OR7E24: variants seen among roughly 807,000 people sequenced by gnomAD.
OR7E24 encodes olfactory receptor 7E24.
For synonymous variants in OR7E24, 130 were observed against 157.5 expected, an observed-to-expected ratio of 0.83 and a Z score of 1.31; for missense variants, 385 against 410.3, an observed-to-expected ratio of 0.94 and a Z score of 0.53.
the OR7E24 span, chr19:9,214,582 G>A: frequency 1.9e-6 from 3 of 1,614,012 alleles, no homozygotes; most frequent in Non-Finnish European, 2.5e-6. Flanking sequence ...CTCCGTGCCT[G>A]GATGCTCACT....
chr19:9,206,641 T>C, the OR7E24 span: 6 of 152,280 alleles, frequency 3.9e-5, no homozygotes, highest in Non-Finnish European at 7.4e-5. Context: ...TCAAAGTCCA[T>C]TAGTTATATT....
the OR7E24 span, among the ~76,000 whole-genome samples, chr19:9,242,241 CTTTTTG>C: frequency 4.6e-5 from 7 of 151,990 alleles, no homozygotes; most frequent in African/African-American, 9.7e-5. Context: ...ACATTTCTTT[CTTTTTG>C]TTTTTGTTTT....
At chr19:9,229,243 T>C in the OR7E24 span, among the ~76,000 whole-genome samples, 1 of 152,138 alleles carries the variant, frequency 6.6e-6, no homozygotes, top group East Asian at 1.9e-4. Flanking sequence ...GAAATTAAAC[T>C]TTCCTGCCAG....
At chr19:9,249,619 A>T (rs1401217626), upstream of OR7E24, among the ~76,000 whole-genome samples, 1 of 152,204 alleles carries the variant, frequency 6.6e-6, no homozygotes, top group African/African-American at 2.4e-5. Flanking sequence ...TTAGAGTTTC[A>T]CATGATTCCA....
the OR7E24 span, chr19:9,214,146 G>C: frequency 1.9e-6 from 3 of 1,614,110 alleles, no homozygotes; most frequent in African/African-American, 4.0e-5. Context: ...CTTGCCCTTG[G>C]TGGAGGACAT....
At chr19:9,236,757 C>T in the OR7E24 span, among the ~76,000 whole-genome samples, 2 of 152,156 alleles carry the variant, frequency 1.3e-5, no homozygotes, top group African/African-American at 4.8e-5. Flanking sequence ...CTCTTCATGT[C>T]AAATGCTGAC....
the OR7E24 span, among the ~76,000 whole-genome samples, chr19:9,236,763 C>T: frequency 6.6e-6 from 1 of 152,084 alleles, no homozygotes; most frequent in Admixed American, 6.6e-5. Flanking sequence ...ATGTCAAATG[C>T]TGACACGCGT....
upstream of OR7E24, among the ~76,000 whole-genome samples, chr19:9,249,861 A>G (rs926220206): frequency 2.0e-5 from 3 of 152,126 alleles, no homozygotes; most frequent in African/African-American, 7.2e-5. Context: ...AAGCTGAGGC[A>G]TAAGAATCGC....
the OR7E24 span, among the ~76,000 whole-genome samples, chr19:9,226,261 T>C: frequency 1.3e-5 from 2 of 152,218 alleles, no homozygotes; most frequent in African/African-American, 4.8e-5. Context: ...AGGCCATTTT[T>C]ATACTTTCTG....
the OR7E24 span, among the ~76,000 whole-genome samples, chr19:9,220,036 A>AT: frequency 6.6e-6 from 1 of 151,702 alleles, no homozygotes; most frequent in African/African-American, 2.4e-5. Context: ...CTTTTTAAAT[A>AT]TTTTTTCAAA....
chr19:9,212,167 A>G, the OR7E24 span: 1 of 152,250 alleles, frequency 6.6e-6, no homozygotes, highest in East Asian at 1.9e-4. Context: ...TGAGGTATTC[A>G]TCCCTCAACT....
At chr19:9,220,365 A>T in the OR7E24 span, among the ~76,000 whole-genome samples, 1 of 151,910 alleles carries the variant, frequency 6.6e-6, no homozygotes, top group East Asian at 1.9e-4. Context: ...ACCCCAAACC[A>T]CTCTGGGTCT....
chr19:9,237,927 C>T, the OR7E24 span, among the ~76,000 whole-genome samples: 32 of 152,032 alleles, frequency 2.1e-4, no homozygotes, highest in Non-Finnish European at 4.4e-4. Flanking sequence ...TGAACATTTC[C>T]AGCAATGTAT....
chr19:9,239,836 G>A, the OR7E24 span, among the ~76,000 whole-genome samples: 1 of 151,008 alleles, frequency 6.6e-6, no homozygotes, highest in African/African-American at 2.4e-5. Flanking sequence ...AGCCTCCTGA[G>A]TAGCTGGGAT....
the OR7E24 span, among the ~76,000 whole-genome samples, chr19:9,217,107 C>T: frequency 2.6e-5 from 4 of 152,068 alleles, no homozygotes; most frequent in African/African-American, 9.7e-5. Context: ...CAGTGTATTC[C>T]TCCAAGAAGT....
the OR7E24 span, among the ~76,000 whole-genome samples, chr19:9,225,879 T>C: frequency 1.3e-5 from 2 of 152,204 alleles, no homozygotes; most frequent in African/African-American, 2.4e-5. Flanking sequence ...TGAAGGAGGC[T>C]GCTTTATTCA....
the OR7E24 span, chr19:9,208,570 G>T: frequency 6.6e-6 from 1 of 151,728 alleles, no homozygotes; most frequent in African/African-American, 2.4e-5. Flanking sequence ...TAATTTCAGG[G>T]TTTTCTTCTT....
At chr19:9,214,676 G>A in the OR7E24 span, 2 of 1,614,160 alleles carry the variant, frequency 1.2e-6, no homozygotes, top group African/African-American at 1.3e-5. Flanking sequence ...GGGTGTGGAG[G>A]TGGGAGTCAG....
chr19:9,206,990 G>A, the OR7E24 span: 2 of 152,118 alleles, frequency 1.3e-5, no homozygotes, highest in East Asian at 1.9e-4. Flanking sequence ...TAGTTCAGAC[G>A]ATGAAGTTCT....
Sources: gnomAD v4.1 joint callset for allele counts (sites outside exome capture counted in the v4.1 genomes callset) on GRCh38, gnomAD v4.1.1 for gene constraint, MANE v1.5 for transcripts, NCBI Gene and HGNC (gene_info 2026-07-23, HGNC 2026-07-21) for gene names.